Variants in ITPR2 observed in about 807,000 individuals in gnomAD.
The protein encoded by ITPR2 is inositol 1,4,5-trisphosphate receptor type 2.
ITPR2 carries 207 observed loss-of-function variants against 317.1 expected under a neutral mutation model. That is an observed-to-expected ratio of 0.65 (90% confidence interval 0.58 to 0.73). The LOEUF (loss-of-function observed/expected upper bound fraction) is 0.73, where lower values mean the gene tolerates loss of function less well. Among genes scored for constraint, ITPR2 ranks in the 30% least tolerant of loss-of-function variants. The probability of loss-of-function intolerance (pLI) is 0.00; values close to 1 mark genes in which losing one functional copy is unlikely to be tolerated. For missense variants in ITPR2, 2,613 were observed against 3,284.0 expected, an observed-to-expected ratio of 0.80 and a Z score of 4.99; for synonymous variants, 1,156 against 1,149.1, an observed-to-expected ratio of 1.01 and a Z score of -0.12.
intron 9 of ITPR2, among the ~76,000 whole-genome samples, chr12:26,700,669 C>T (rs555842899): frequency 1.3e-5 from 2 of 152,308 alleles, no homozygotes; most frequent in South Asian, 4.1e-4. Flanking sequence ...CCCAGATCAT[C>T]CAGGCCTTTA....
chr12:26,687,492 G>A (rs1948150262), intron 10 of ITPR2, among the ~76,000 whole-genome samples: 1 of 152,148 alleles, frequency 6.6e-6, no homozygotes, highest in African/African-American at 2.4e-5. Context: ...CTGAGGGAAG[G>A]AAGGGATGCT....
chr12:26,445,951 T>C (rs1225446945), intron 45 of ITPR2, among the ~76,000 whole-genome samples: 1 of 152,126 alleles, frequency 6.6e-6, no homozygotes, highest in East Asian at 1.9e-4. Flanking sequence ...GAGAGTGGAA[T>C]GATCTAGAAC....
intron 23 of ITPR2, among the ~76,000 whole-genome samples, chr12:26,627,585 C>A (rs1946650411): frequency 1.3e-5 from 2 of 152,190 alleles, no homozygotes; most frequent in African/African-American, 4.8e-5. Context: ...TGTCTCAGTT[C>A]TTTGATGTCG....
intron 9 of ITPR2, among the ~76,000 whole-genome samples, chr12:26,702,000 G>T (rs1948452795): frequency 6.6e-6 from 1 of 152,298 alleles, no homozygotes; most frequent in Non-Finnish European, 1.5e-5. Context: ...AACTGTGAAG[G>T]CTGATTTATA....
At chr12:26,744,958 G>T (rs1949294124) in intron 2 of ITPR2, among the ~76,000 whole-genome samples, 1 of 152,230 alleles carries the variant, frequency 6.6e-6, no homozygotes, top group Non-Finnish European at 1.5e-5. Flanking sequence ...CGTACAGATT[G>T]TCAGAAGTTT....
chr12:26,717,318 A>G (rs747346177), intron 5 of ITPR2, among the ~76,000 whole-genome samples: 89 of 152,222 alleles, frequency 5.8e-4, no homozygotes, highest in Non-Finnish European at 9.7e-4. Flanking sequence ...ACATAATTTC[A>G]TATTTTCAAT....
intron 2 of ITPR2, among the ~76,000 whole-genome samples, chr12:26,777,683 T>C (rs1186711922): frequency 1.5e-5 from 2 of 136,982 alleles, no homozygotes; most frequent in African/African-American, 2.6e-5. Flanking sequence ...GACAAAAGAC[T>C]AATTTGAATT....
At chr12:26,698,265 TGGTA>T (rs1330677760) in intron 9 of ITPR2, among the ~76,000 whole-genome samples, 2 of 151,794 alleles carry the variant, frequency 1.3e-5, no homozygotes, top group Non-Finnish European at 2.9e-5. Context: ...GAGAAAACAG[TGGTA>T]GGGGTGTAAA....
rs1437459185 is a variant in ITPR2 at position 26,486,249 on chromosome 12, A to G, written c.5666T>C (p.Ile1889Thr). 1 of 1,614,072 alleles carries G rather than the reference A, an allele frequency of 6.2e-7. No homozygotes were observed. Residue 1889 changes from isoleucine (I) to threonine (T), a missense_variant, in exon 41 of 57, where the codon ATA becomes ACA. Coordinates refer to ENST00000381340, the MANE Select transcript of ITPR2 (RefSeq NM_002223.4). Reference protein sequence around the residue: ...CVYRREMDPEIDIMCTGPEAG... With the variant: ...CVYRREMDPETDIMCTGPEAG... ...TTCTGGTCCTGTGCACATAATGTCT[A>G]TTTCTGGATCCATTTCTCTTCTGTA...
chr12:26,452,111 C>G (rs969018712), intron 45 of ITPR2, among the ~76,000 whole-genome samples: 2 of 152,120 alleles, frequency 1.3e-5, no homozygotes, highest in African/African-American at 4.8e-5. Flanking sequence ...ACCCCTCTCC[C>G]CCTGCACCCC....
intron 2 of ITPR2, among the ~76,000 whole-genome samples, chr12:26,776,367 G>A (rs1251138491): frequency 2.0e-5 from 3 of 152,170 alleles, no homozygotes; most frequent in African/African-American, 7.2e-5. Flanking sequence ...CTAACTCCTG[G>A]CTTCAGAAGC....
At chr12:26,562,440 A>T (rs1393922417) in intron 34 of ITPR2, among the ~76,000 whole-genome samples, 1 of 152,240 alleles carries the variant, frequency 6.6e-6, no homozygotes, top group Non-Finnish European at 1.5e-5. Context: ...TCTTCCCGAG[A>T]TCTGCTCTCT....
chr12:26,516,285 G>GGGAAGGGAAGGGAAGGGAAGGGAAA (rs1943504560), intron 37 of ITPR2, among the ~76,000 whole-genome samples: 10 of 42,828 alleles, frequency 2.3e-4, no homozygotes, highest in African/African-American at 6.0e-4. Flanking sequence ...GGGAAGGGAA[G>GGGAAGGGAAGGGAAGGGAAGGGAAA]GGAAAGGAAA....
chr12:26,768,591 A>AAAAAAAAC (rs1949782572), intron 2 of ITPR2, among the ~76,000 whole-genome samples: 2 of 140,236 alleles, frequency 1.4e-5, no homozygotes, highest in African/African-American at 5.5e-5. Context: ...AAAAAAAAAA[A>AAAAAAAAC]AAAAAACCTC....
intron 2 of ITPR2, among the ~76,000 whole-genome samples, chr12:26,761,530 G>C (rs923987127): frequency 3.9e-5 from 6 of 152,202 alleles, no homozygotes; most frequent in Non-Finnish European, 7.3e-5. Context: ...ATGGTGCCTT[G>C]TGCCTGTAAT....
intron 2 of ITPR2, among the ~76,000 whole-genome samples, chr12:26,767,266 G>A (rs993751395): frequency 1.1e-4 from 16 of 152,134 alleles, no homozygotes; most frequent in African/African-American, 3.9e-4. Flanking sequence ...GGCAATATCT[G>A]GCTGCCAATG....
chr12:26,520,550 G>C (rs1057138809), intron 37 of ITPR2, among the ~76,000 whole-genome samples: 2 of 152,112 alleles, frequency 1.3e-5, no homozygotes, highest in African/African-American at 4.8e-5. Context: ...GGTCCCCAAG[G>C]TCTGAGTTCC....
chr12:26,519,336 T>C (rs1943607915), intron 37 of ITPR2, among the ~76,000 whole-genome samples: 1 of 152,172 alleles, frequency 6.6e-6, no homozygotes, highest in South Asian at 2.1e-4. Flanking sequence ...AATGCAAAGA[T>C]GGCTCAATGT....
intron 49 of ITPR2, among the ~76,000 whole-genome samples, chr12:26,427,429 T>C (rs1941093365): frequency 1.3e-5 from 2 of 152,210 alleles, no homozygotes; most frequent in Non-Finnish European, 2.9e-5. Flanking sequence ...TCTATGACTT[T>C]CATCAGTTTA....
Sources: gnomAD v4.1 joint callset for allele counts (sites outside exome capture counted in the v4.1 genomes callset) on GRCh38, gnomAD v4.1.1 for gene constraint, MANE v1.5 for transcripts, NCBI Gene and HGNC (gene_info 2026-07-23, HGNC 2026-07-21) for gene names.